The following CAST variants were observed in gnomAD, a reference collection of about 807,000 sequenced individuals.
The protein encoded by CAST is MIR583 host.
In CAST, 76 loss-of-function variants were observed where a neutral mutation model predicts 119.6. That is an observed-to-expected ratio of 0.64 (90% CI 0.53 to 0.77). The LOEUF (loss-of-function observed/expected upper bound fraction) is 0.77, where lower values mean the gene tolerates loss of function less well. Among genes scored for constraint, CAST ranks in the 30% least tolerant of loss-of-function variants. CAST has a pLI of 0.00. For synonymous variants in CAST, 319 were observed against 331.6 expected (o/e 0.96, Z 0.41); for missense variants, 953 against 946.5 (o/e 1.01, Z -0.09).
intron 1 of CAST, among the ~76,000 whole-genome samples, chr5:96,606,487 G>T (rs2150195219): frequency 6.6e-6 from 1 of 152,338 alleles, no homozygotes; most frequent in Non-Finnish European, 1.5e-5. Flanking sequence ...GGGACTGGAG[G>T]ACAGGCCTAG....
At chr5:96,500,432 G>C in the CAST span, among the ~76,000 whole-genome samples, 1 of 152,150 alleles carries the variant, frequency 6.6e-6, no homozygotes, top group Non-Finnish European at 1.5e-5. Context: ...TGTGCTGTTG[G>C]TAGAGGAATG....
the CAST span, among the ~76,000 whole-genome samples, chr5:95,980,835 G>C: frequency 1.3e-5 from 2 of 152,002 alleles, no homozygotes; most frequent in Non-Finnish European, 2.9e-5. Flanking sequence ...GGTGGCTGGG[G>C]ACCCCCAAGA....
intron 3 of CAST, chr5:96,702,776 T>C (rs534597118): frequency 1.0e-6 from 1 of 985,422 alleles, no homozygotes; most frequent in African/African-American, 1.7e-5. Flanking sequence ...CTGCGTCGCC[T>C]TCCCGGGACC....
the CAST span, among the ~76,000 whole-genome samples, chr5:96,192,981 G>T: frequency 2.2e-3 from 340 of 152,228 alleles, 3 homozygotes; most frequent in African/African-American, 7.7e-3. Flanking sequence ...GTAGCCTATT[G>T]TAACTCTTAT....
chr5:96,747,549 C>T, intron 18 of CAST, 157 bp downstream of exon 18: 1 of 526,252 alleles, frequency 1.9e-6, no homozygotes, highest in South Asian at 3.1e-5. Context: ...TGGCTGATAC[C>T]TGTAGCTCCT....
chr5:96,226,703 T>A, the CAST span, among the ~76,000 whole-genome samples: 1 of 152,174 alleles, frequency 6.6e-6, no homozygotes, highest in African/African-American at 2.4e-5. Flanking sequence ...GAATCTGTTT[T>A]ATTGCAGATA....
At chr5:96,644,561 G>C (rs1181040354) in intron 1 of CAST, among the ~76,000 whole-genome samples, 3 of 152,176 alleles carry the variant, frequency 2.0e-5, no homozygotes, top group Non-Finnish European at 4.4e-5. Context: ...AAGTTGTGCA[G>C]GTGGTATGGA....
intron 1 of CAST, among the ~76,000 whole-genome samples, chr5:96,670,135 C>T (rs537318758): frequency 6.6e-6 from 1 of 152,018 alleles, no homozygotes. Flanking sequence ...ATCAAGATAA[C>T]CTTTTATTGC....
rs185763790 is a variant in CAST, at chr5:96,580,621, G to A, written c.60+50741G>A. 7.5e-4 allele frequency among the ~76,000 whole-genome samples: 114 copies of A among 152,312 alleles called. 1 individual carries two copies. The highest frequency in any genetic ancestry group is 2.1e-4 in the South Asian group (1 of 4,828). Reference sequence around the variant, plus strand: ...TTCTGCAGTCTAATAAGCTTCGGGCGATGTTGGTTATGTTGGTCAATGGAT... The same window carrying A: ...TTCTGCAGTCTAATAAGCTTCGGGCAATGTTGGTTATGTTGGTCAATGGAT... On this transcript the variant is annotated intron_variant, in intron 1 of 11. Transcript: ENST00000505143.
chr5:96,616,585 A>G (rs898351363), intron 1 of CAST, among the ~76,000 whole-genome samples: 1 of 152,040 alleles, frequency 6.6e-6, no homozygotes, highest in Non-Finnish European at 1.5e-5. Context: ...TACCATCTTC[A>G]CTTTACAGGG....
At chr5:96,559,823 G>A (rs926309595) in intron 1 of CAST, among the ~76,000 whole-genome samples, 57 of 152,172 alleles carry the variant, frequency 3.7e-4, no homozygotes, top group Non-Finnish European at 6.0e-4. Flanking sequence ...CAAGCTACCA[G>A]TGACTTTCTT....
At chr5:96,404,703 C>A in the CAST span, among the ~76,000 whole-genome samples, 3 of 152,196 alleles carry the variant, frequency 2.0e-5, no homozygotes, top group Non-Finnish European at 4.4e-5. Context: ...TGGGAGGCTG[C>A]AAGGTGTGGT....
the CAST span, among the ~76,000 whole-genome samples, chr5:96,222,173 G>A: frequency 1.3e-5 from 2 of 151,944 alleles, no homozygotes; most frequent in African/African-American, 4.8e-5. Flanking sequence ...AAACCATAGA[G>A]AAAATACTTC....
At chr5:96,370,515 G>A in the CAST span, among the ~76,000 whole-genome samples, 1 of 152,222 alleles carries the variant, frequency 6.6e-6, no homozygotes, top group South Asian at 2.1e-4. Flanking sequence ...GGCCAGACTG[G>A]TTCTTTAATT....
chr5:96,487,116 G>A, the CAST span, among the ~76,000 whole-genome samples: 4 of 152,156 alleles, frequency 2.6e-5, no homozygotes, highest in South Asian at 8.3e-4. Context: ...TCTGTAGTAG[G>A]GGTCAGAAAA....
At chr5:96,649,660 T>A (rs1388772549) in intron 1 of CAST, among the ~76,000 whole-genome samples, 1 of 152,214 alleles carries the variant, frequency 6.6e-6, no homozygotes, top group East Asian at 1.9e-4. Context: ...CCACCAGAAC[T>A]AGTGATGTAA....
the CAST span, among the ~76,000 whole-genome samples, chr5:96,059,776 G>A: frequency 6.6e-6 from 1 of 152,124 alleles, no homozygotes; most frequent in Admixed American, 6.6e-5. Flanking sequence ...TTCTTGGCCT[G>A]TGGGGTGAGA....
At chr5:96,581,322 G>A (rs1214911540) in intron 1 of CAST, among the ~76,000 whole-genome samples, 1 of 152,068 alleles carries the variant, frequency 6.6e-6, no homozygotes, top group Non-Finnish European at 1.5e-5. Flanking sequence ...AGTGATCATG[G>A]CACACAAATT....
chr5:96,614,479 G>A (rs1436531982), intron 1 of CAST, among the ~76,000 whole-genome samples: 2 of 152,160 alleles, frequency 1.3e-5, no homozygotes, highest in African/African-American at 4.8e-5. Context: ...TTTTCCATGG[G>A]TTGCTTTTTC....
Sources: allele counts gnomAD v4.1 joint callset (sites outside exome capture counted in the v4.1 genomes callset), GRCh38; gene constraint gnomAD v4.1.1; transcripts MANE v1.5; gene names NCBI Gene and HGNC (gene_info 2026-07-23, HGNC 2026-07-21).